Variants in STARD9 observed in about 807,000 individuals in gnomAD.
STARD9 encodes StAR related lipid transfer domain containing 9.
Under a neutral mutation model 399.8 loss-of-function variants are expected in STARD9, and 346 were observed. The observed-to-expected ratio is 0.87, with a 90% CI of 0.79 to 0.95. The LOEUF (loss-of-function observed/expected upper bound fraction) is 0.95, where lower values mean the gene tolerates loss of function less well. Ranked by LOEUF, STARD9 falls within the 40% of genes least tolerant of loss-of-function variation. The pLI is 0.00. For synonymous variants in STARD9, 2,203 were observed against 2,143.5 expected (o/e 1.03, Z -0.77); for missense variants, 5,832 against 5,667.5 (o/e 1.03, Z -0.93).
At chr15:42,583,578 A>G (rs1176281769) in intron 2 of STARD9, among the ~76,000 whole-genome samples, 163 bp downstream of exon 2, 1 of 152,200 alleles carries the variant, frequency 6.6e-6, no homozygotes, top group Non-Finnish European at 1.5e-5. Flanking sequence ...AAGCAAATCA[A>G]GAAATCAAGA....
At chr15:42,645,409 A>G (rs2059626438) in intron 7 of STARD9, among the ~76,000 whole-genome samples, 1 of 152,192 alleles carries the variant, frequency 6.6e-6, no homozygotes, top group African/African-American at 2.4e-5. Flanking sequence ...CACACTGTCA[A>G]TGAGCAGTAA....
chr15:42,695,106 C>T (rs2060812901), intron 24 of STARD9, 34 bp from the exon 25 acceptor site: 1 of 1,488,608 alleles, frequency 6.7e-7, no homozygotes, highest in South Asian at 1.3e-5. Context: ...GTCACCCACC[C>T]ACCATGTTCT....
At position 42,719,628 on chromosome 15, in the gene STARD9, A is replaced by G; in HGVS notation, c.*54A>G. 1.7e-6 allele frequency: 2 copies of G among 1,170,012 alleles called. No individual in the cohort carries two copies. The highest frequency in any genetic ancestry group is 2.7e-5 in the South Asian group (2 of 75,050). 72.5% of individuals were successfully genotyped at this position (1,170,012 alleles called of 1,614,324 possible). On this transcript the variant is annotated 3_prime_UTR_variant, in exon 33 of 33. Transcript: ENST00000290607. ...GATGCAGGCCCAGGCTGCTCAAGAG[A>G]GACACTGTGGCAGCTCCTTGTTACT... is the stretch of plus-strand genomic sequence containing the variant.
chr15:42,674,429 TC>T lies in STARD9; in HGVS notation c.1498-6del. On this transcript the variant is annotated splice_polypyrimidine_tract_variant and intron_variant, in intron 16 of 32. Coordinates refer to ENST00000290607, the MANE Select transcript of STARD9 (RefSeq NM_020759.3). ...TTAATTCTCATTAAAATGGCTTTTT[TC>T]CCCCTTTAGGAAGGGACAACAAAAA... The T allele has an allele frequency of 6.5e-7, 1 of 1,536,554 alleles. No individual in the cohort carries two copies. Among genetic ancestry groups the T allele is most frequent in the Non-Finnish European group, 8.7e-7 (1 of 1,146,394 alleles).
chr15:42,695,697 G>T (rs1566953657), intron 25 of STARD9, 46 bp from the exon 26 acceptor site: 3 of 1,519,200 alleles, frequency 2.0e-6, no homozygotes, highest in African/African-American at 1.4e-5. Context: ...CCTGGGGAAA[G>T]TGAGGGTGCA....
rs1193536051 is a variant in STARD9 at position 42,693,926 on chromosome 15, G to C, written c.12348G>C (p.Leu4116=). ...LPQACQPEEL[L]CFSCQMCMAP... is the part of the protein sequence containing the mutation. The stretch of plus-strand genomic sequence containing the variant: ...AGGCCTGCCAACCTGAGGAGTTACT[G>C]TGCTTCAGTTGCCAGATGTGCATGG... The change falls in exon 23 of 33, where the codon CTG becomes CTC. Residue 4116 remains leucine, a synonymous_variant. Coordinates refer to ENST00000290607, the MANE Select transcript of STARD9 (RefSeq NM_020759.3). The C allele has an allele frequency of 3.4e-5, 51 of 1,509,986 alleles. No individual in the cohort carries two copies. Among genetic ancestry groups the C allele is most frequent in the Non-Finnish European group, 3.7e-5 (42 of 1,132,044 alleles). 93.5% of individuals were successfully genotyped at this position (1,509,986 alleles called of 1,614,324 possible). A position where few individuals can be genotyped will look rare whatever the true frequency, so the allele number is the denominator to read the frequency against.
chr15:42,653,656 T>G (rs1595712241), intron 9 of STARD9, among the ~76,000 whole-genome samples: 1 of 152,264 alleles, frequency 6.6e-6, no homozygotes, highest in East Asian at 1.9e-4. Flanking sequence ...ATTCCCAGAT[T>G]GGAAAAATAA....
chr15:42,690,723 G>A lies in STARD9; in HGVS notation c.9145G>A (p.Ala3049Thr). 6.5e-7 allele frequency: 1 copy of A among 1,537,262 alleles called. No individual in the cohort carries two copies. The highest frequency in any genetic ancestry group is 1.4e-5 in the African/African-American group (1 of 73,162). ...CACTTGTGAGCCTTCTACTGTGGCT[G>A]CTGTCCTATCTCGAGCTCAAGGCTG... Reference protein sequence around the residue: ...SSTCEPSTVAAVLSRAQGCRS... With the variant: ...SSTCEPSTVATVLSRAQGCRS... The change falls in exon 23 of 33, where the codon GCT (alanine) becomes ACT (threonine). Residue 3049 changes from alanine to threonine, a missense_variant. Ala to Thr is a moderately conservative substitution (Grantham distance 58). Transcript: ENST00000290607.
chr15:42,668,654 A>T (rs1284364669), intron 15 of STARD9, among the ~76,000 whole-genome samples: 12 of 152,100 alleles, frequency 7.9e-5, no homozygotes, highest in Admixed American at 7.9e-4. Context: ...TCTTAGTTCC[A>T]CCTGGGGAGA....
At position 42,684,408 on chromosome 15, in the gene STARD9, A is replaced by T; in HGVS notation, c.2830A>T (p.Met944Leu). The T allele has an allele frequency of 6.5e-7, 1 of 1,537,198 alleles. No homozygotes were observed. Among genetic ancestry groups the T allele is most frequent in the Non-Finnish European group, 8.7e-7 (1 of 1,146,914 alleles). Reference sequence around the variant, plus strand: ...GATGGGGGTTAAGCAGCCCCATCAGATGGTGAGCCAGGGCTTAGCATCTCT... The same window carrying T: ...GATGGGGGTTAAGCAGCCCCATCAGTTGGTGAGCCAGGGCTTAGCATCTCT... The part of the protein sequence containing the change: ...MEMGVKQPHQ[M>L]VSQGLASLRK... Residue 944 changes from methionine (M) to leucine (L), a missense_variant, in exon 23 of 33, where the codon ATG (methionine) becomes TTG (leucine). Coordinates refer to ENST00000290607, the MANE Select transcript of STARD9 (RefSeq NM_020759.3).
In STARD9 at chr15:42,689,960, A is replaced by T; in HGVS notation, c.8382A>T (p.Gly2794=). 1.3e-6 allele frequency: 2 copies of T among 1,537,716 alleles called. No individual in the cohort carries two copies. Among genetic ancestry groups the T allele is most frequent in the Non-Finnish European group, 1.7e-6 (2 of 1,147,012 alleles). ...QEPRTLDTTY[G]EVSDNLLVTA... ...CCAGAACTCTAGACACCACATATGG[A>T]GAAGTTTCAGATAATTTGTTAGTGA... The change falls in exon 23 of 33, where the codon GGA becomes GGT. Residue 2794 remains glycine (G), a synonymous_variant. Coordinates refer to ENST00000290607, the MANE Select transcript of STARD9 (RefSeq NM_020759.3).
At chr15:42,640,917 C>T (rs2141947395) in intron 7 of STARD9, among the ~76,000 whole-genome samples, 1 of 147,854 alleles carries the variant, frequency 6.8e-6, no homozygotes, top group South Asian at 2.1e-4. Context: ...ATACAGAAAA[C>T]AATGAAATCT....
intron 26 of STARD9, among the ~76,000 whole-genome samples, chr15:42,700,756 A>G (rs751297558): frequency 2.0e-5 from 3 of 152,132 alleles, no homozygotes; most frequent in African/African-American, 4.8e-5. Flanking sequence ...TTAGCTGTGC[A>G]GAATCTTTTT....
chr15:42,623,835 A>G (rs1011447090), intron 3 of STARD9, among the ~76,000 whole-genome samples: 1 of 152,260 alleles, frequency 6.6e-6, no homozygotes, highest in Non-Finnish European at 1.5e-5. Context: ...TAGGAAATCT[A>G]GACTCATTTG....
At chr15:42,585,162 C>CA (rs1200280974) in intron 2 of STARD9, among the ~76,000 whole-genome samples, 1 of 151,794 alleles carries the variant, frequency 6.6e-6, no homozygotes, top group Non-Finnish European at 1.5e-5. Flanking sequence ...ATCTGAAATC[C>CA]AAAAAATTCC....
chr15:42,677,139 C>A (rs973860241), intron 20 of STARD9, among the ~76,000 whole-genome samples: 2 of 148,962 alleles, frequency 1.3e-5, no homozygotes, highest in Non-Finnish European at 3.0e-5. Flanking sequence ...TAGCACATGC[C>A]TGTAGTCCTA....
intron 9 of STARD9, among the ~76,000 whole-genome samples, chr15:42,660,136 A>G (rs1228848402): frequency 6.6e-6 from 1 of 152,226 alleles, no homozygotes; most frequent in African/African-American, 2.4e-5. Context: ...ACATTCTGAA[A>G]AGGTAGACTT....
At chr15:42,650,134 A>T (rs1024511261) in intron 7 of STARD9, among the ~76,000 whole-genome samples, 14 of 152,240 alleles carry the variant, frequency 9.2e-5, no homozygotes, top group South Asian at 8.3e-4. Context: ...AAGTGCTGGG[A>T]TTACAGGCAT....
chr15:42,638,018 T>A lies in STARD9; in HGVS notation c.385-8T>A. 6.5e-7 allele frequency: 1 copy of A among 1,537,370 alleles called. No homozygotes were observed. Among genetic ancestry groups the A allele is most frequent in the Non-Finnish European group, 8.7e-7 (1 of 1,146,930 alleles). On this transcript the variant is annotated splice_polypyrimidine_tract_variant and splice_region_variant and intron_variant, in intron 5 of 32. Coordinates refer to ENST00000290607, the MANE Select transcript of STARD9 (RefSeq NM_020759.3). ...TACAATGAAACCCCAACCCTCTGGT[T>A]TGTGCAGGGTCTCTTCGTCAGGGAG...
Sources: gnomAD v4.1 joint callset for allele counts (sites outside exome capture counted in the v4.1 genomes callset) on GRCh38, gnomAD v4.1.1 for gene constraint, MANE v1.5 for transcripts, NCBI Gene and HGNC (gene_info 2026-07-23, HGNC 2026-07-21) for gene names.